SORCS1: variants seen among roughly 807,000 people sequenced by gnomAD.
SORCS1 encodes the protein VPS10 domain-containing receptor SorCS1.
SORCS1 carries 60 observed loss-of-function variants against 146.1 expected under a neutral mutation model. The observed-to-expected ratio is 0.41, with a 90% confidence interval of 0.33 to 0.51. The LOEUF is 0.51. SORCS1 is among the 20% of genes least tolerant of loss of function. The pLI, the probability that SORCS1 is intolerant of heterozygous loss-of-function variation, is 0.21. For synonymous variants in SORCS1, 637 were observed against 584.0 expected (o/e 1.09, Z -1.31); for missense variants, 1,352 against 1,487.6 (o/e 0.91, Z 1.50).
At chr10:106,704,051 G>C (rs1194879694) in intron 8 of SORCS1, among the ~76,000 whole-genome samples, 1 of 152,174 alleles carries the variant, frequency 6.6e-6, no homozygotes, top group East Asian at 1.9e-4. Flanking sequence ...ATATTGGCTA[G>C]ATGCCACTGC....
At chr10:106,676,899 A>T (rs189567922) in intron 13 of SORCS1, among the ~76,000 whole-genome samples, 2 of 152,318 alleles carry the variant, frequency 1.3e-5, no homozygotes, top group East Asian at 3.9e-4. Flanking sequence ...GGACAATGAG[A>T]AGCCAGACTA....
chr10:106,808,532 T>C (rs1260559536), intron 3 of SORCS1, among the ~76,000 whole-genome samples: 1 of 152,128 alleles, frequency 6.6e-6, no homozygotes, highest in Non-Finnish European at 1.5e-5. Context: ...AGGCGGAGTG[T>C]CGCTCTGTCG....
At chr10:106,835,678 C>G (rs75064402) in intron 2 of SORCS1, among the ~76,000 whole-genome samples, 2,543 of 152,272 alleles carry the variant, frequency 0.017, 68 homozygotes, top group African/African-American at 0.057. Context: ...AATTATGTCA[C>G]AATTCCATTT....
intron 2 of SORCS1, among the ~76,000 whole-genome samples, chr10:106,831,663 C>T (rs1427486057): frequency 1.3e-5 from 2 of 151,970 alleles, no homozygotes; most frequent in African/African-American, 4.8e-5. Context: ...AAGAAAGCTG[C>T]ATAAAAGTGA....
At chr10:106,793,153 T>C (rs889310494) in intron 3 of SORCS1, among the ~76,000 whole-genome samples, 1 of 152,118 alleles carries the variant, frequency 6.6e-6, no homozygotes, top group Admixed American at 6.5e-5. Context: ...ATGTACAAAA[T>C]TTTACTAGAA....
chr10:106,926,396 T>C (rs984523353), intron 2 of SORCS1, among the ~76,000 whole-genome samples: 1 of 152,078 alleles, frequency 6.6e-6, no homozygotes, highest in Non-Finnish European at 1.5e-5. Flanking sequence ...ACTGAACTCA[T>C]CTCCTTATCT....
intron 2 of SORCS1, among the ~76,000 whole-genome samples, chr10:106,943,230 C>T (rs1954142096): frequency 1.3e-5 from 2 of 152,124 alleles, no homozygotes; most frequent in Admixed American, 6.5e-5. Context: ...CTCACTTGTT[C>T]CTCTGCCTAA....
intron 18 of SORCS1, among the ~76,000 whole-genome samples, chr10:106,646,283 T>A (rs1440403189): frequency 6.6e-6 from 1 of 152,132 alleles, no homozygotes; most frequent in Non-Finnish European, 1.5e-5. Flanking sequence ...AAAATTAGTA[T>A]AATTATAAAG....
At chr10:106,795,303 T>G (rs1182781469) in intron 3 of SORCS1, among the ~76,000 whole-genome samples, 1 of 152,144 alleles carries the variant, frequency 6.6e-6, no homozygotes, top group Non-Finnish European at 1.5e-5. Context: ...TTGTTTTTTG[T>G]TTTTTGCCCA....
At chr10:106,624,992 T>G (rs1848000884) in intron 19 of SORCS1, among the ~76,000 whole-genome samples, 1 of 152,200 alleles carries the variant, frequency 6.6e-6, no homozygotes, top group Non-Finnish European at 1.5e-5. Flanking sequence ...GATGCTGAAC[T>G]GGCAGATGCG....
At chr10:106,805,520 C>G (rs1410781412) in intron 3 of SORCS1, among the ~76,000 whole-genome samples, 2 of 152,168 alleles carry the variant, frequency 1.3e-5, no homozygotes, top group African/African-American at 2.4e-5. Context: ...CTTAAGGTTA[C>G]TATCCATTTA....
rs1422196481 is a variant in SORCS1 at position 106,621,606 on chromosome 10, G to T, written c.2663-1045C>A. Among the ~76,000 whole-genome samples the T allele has an allele frequency of 2.0e-5, 3 of 151,638 alleles. No homozygotes were observed. The East Asian group carries it at 5.8e-4, about 30-fold the overall frequency. On this transcript the variant is annotated intron_variant, in intron 19 of 25. Transcript: ENST00000263054. ...CTGGGCTCTAGACTCCTTCTGGGGG[G>T]GTCTAGACTTCTTTGCCTCCAGCAA...
intron 1 of SORCS1, among the ~76,000 whole-genome samples, chr10:107,003,384 A>AGTATGCAT (rs1957295032): frequency 1.3e-5 from 2 of 151,920 alleles, no homozygotes; most frequent in Non-Finnish European, 2.9e-5. Flanking sequence ...GTATAGCCAA[A>AGTATGCAT]GTATGCATGT....
intron 3 of SORCS1, among the ~76,000 whole-genome samples, chr10:106,797,547 A>G (rs1024319696): frequency 1.3e-5 from 2 of 151,912 alleles, no homozygotes; most frequent in Non-Finnish European, 2.9e-5. Flanking sequence ...GCCAGAATAC[A>G]TGAAAAACAG....
At chr10:106,741,980 G>A (rs1857399136) in intron 5 of SORCS1, among the ~76,000 whole-genome samples, 1 of 152,152 alleles carries the variant, frequency 6.6e-6, no homozygotes, top group South Asian at 2.1e-4. Flanking sequence ...ATGACACAAA[G>A]TCTTCTCTTG....
chr10:107,043,085 TA>T (rs956581954), intron 1 of SORCS1, among the ~76,000 whole-genome samples: 3 of 152,132 alleles, frequency 2.0e-5, no homozygotes, highest in African/African-American at 4.8e-5. Flanking sequence ...ACTATTAAGC[TA>T]AAAAAATTTT....
intron 6 of SORCS1, among the ~76,000 whole-genome samples, chr10:106,718,613 C>T (rs1002391299): frequency 1.3e-5 from 2 of 152,250 alleles, no homozygotes; most frequent in East Asian, 3.8e-4. Flanking sequence ...GCTGCCACAG[C>T]ATGGAAGGGA....
chr10:107,153,470 T>A (rs1969007864), intron 1 of SORCS1, among the ~76,000 whole-genome samples: 1 of 152,032 alleles, frequency 6.6e-6, no homozygotes, highest in African/African-American at 2.4e-5. Context: ...TGAATGGAGG[T>A]CACTGGAATT....
intron 1 of SORCS1, among the ~76,000 whole-genome samples, chr10:107,106,570 A>G (rs2134420683): frequency 6.6e-6 from 1 of 152,286 alleles, no homozygotes; most frequent in African/African-American, 2.4e-5. Context: ...ATCTTTGGGG[A>G]TGGCTTTTGT....
Sources: gnomAD v4.1 joint callset for allele counts (sites outside exome capture counted in the v4.1 genomes callset) on GRCh38, gnomAD v4.1.1 for gene constraint, MANE v1.5 for transcripts, NCBI Gene and HGNC (gene_info 2026-07-23, HGNC 2026-07-21) for gene names.